DCST2: variants seen among roughly 807,000 people sequenced by gnomAD.
The protein encoded by DCST2 is DC-STAMP domain containing 2.
A neutral mutation model predicts 81.8 loss-of-function variants in DCST2; 64 were observed. That is an observed-to-expected ratio of 0.78 (90% CI 0.64 to 0.96). The LOEUF is 0.96. Among genes scored for constraint, DCST2 ranks in the 40% least tolerant of loss-of-function variants. The pLI, the probability that DCST2 is intolerant of heterozygous loss-of-function variation, is 0.00. For synonymous variants in DCST2, 354 were observed against 402.6 expected (o/e 0.88, Z 1.44); for missense variants, 945 against 1,001.4 (o/e 0.94, Z 0.76).
chr1:155,021,439 CT>C (rs112439021), intron 14 of DCST2, among the ~76,000 whole-genome samples: 33,557 of 151,834 alleles, frequency 0.22, 3,938 homozygotes, highest in Non-Finnish European at 0.26. Flanking sequence ...GCCCATCCCC[CT>C]ACTTGATTTC....
rs114756009 is a variant in DCST2 at position 155,033,775 on chromosome 1, G to C, written c.-74C>G. 1 of 1,558,520 alleles carries C rather than the reference G, an allele frequency of 6.4e-7. No homozygotes were observed. Among genetic ancestry groups the C allele is most frequent in the African/African-American group, 1.4e-5 (1 of 73,200 alleles). On this transcript the variant is annotated 5_prime_UTR_variant, in exon 1 of 15. Transcript: ENST00000368424. ...TTCTGTGCTCCTGGAATTTCTCACC[G>C]TATTCTAAGGTTCCAAAGGGCTTTC...
intron 11 of DCST2, 151 bp from the exon 12 acceptor site, chr1:155,024,110 CCCTGCCTTCCTT>C: frequency 8.5e-7 from 1 of 1,175,106 alleles, no homozygotes; most frequent in Non-Finnish European, 1.2e-6. Context: ...CTCTCCATGG[CCCTGCCTTCCTT>C]CCTCCCTTCA....
At position 155,030,153 on chromosome 1, in the gene DCST2, GCACA is replaced by G. The variant is rs1180004796; in HGVS notation, c.1104_1107del (p.Val369AlafsTer53). The G allele has an allele frequency of 6.2e-7, 1 of 1,614,164 alleles. No homozygotes were observed. The highest frequency in any genetic ancestry group is 1.3e-5 in the African/African-American group (1 of 75,050). ...ACTGTGGGCAGCCCTGCCGTGGAGC[GCACA>G]GCCTCCATGCGCAGGAATCGGCTAG... On this transcript the variant is annotated frameshift_variant, in exon 7 of 15. Coordinates refer to ENST00000368424, the MANE Select transcript of DCST2 (RefSeq NM_144622.3). LOFTEE classifies it high-confidence loss of function.
chr1:155,020,645 G>C (rs933011733), intron 14 of DCST2, among the ~76,000 whole-genome samples: 14 of 152,058 alleles, frequency 9.2e-5, no homozygotes, highest in Admixed American at 2.6e-4. Flanking sequence ...AGGATTACAG[G>C]CGTGAGCCAC....
At chr1:155,026,437 C>T (rs769109264) in intron 9 of DCST2, 35 bp from the exon 10 acceptor site, 1 of 1,613,340 alleles carries the variant, frequency 6.2e-7, no homozygotes, top group Admixed American at 1.7e-5. Context: ...GCCTCACCAG[C>T]AGGCACAAGT....
At chr1:155,018,833 C>T (rs1659657555) in intron 14 of DCST2, 73 bp from the exon 15 acceptor site, 6 of 1,438,902 alleles carry the variant, frequency 4.2e-6, no homozygotes, top group Non-Finnish European at 5.7e-6. Flanking sequence ...GCCCCCTGCC[C>T]TGCCCCATCT....
chr1:155,024,188 T>C (rs1216456007), intron 11 of DCST2, among the ~76,000 whole-genome samples: 2 of 152,122 alleles, frequency 1.3e-5, no homozygotes, highest in African/African-American at 4.8e-5. Context: ...TTAGGAGACA[T>C]ACCTAATGCT....
rs868046379 is a variant in DCST2, at chr1:155,023,173, TTGC to T, written c.2046_2048del (p.Gln684del). Reference sequence around the variant, plus strand: ...TCCTGCCGAGCACTTCTTGGAGCTGTTGCTGCAATAACCATGCCTGCTCAGGGT... The same window carrying T: ...TCCTGCCGAGCACTTCTTGGAGCTGTTGCAATAACCATGCCTGCTCAGGGT... On this transcript the variant is annotated inframe_deletion, in exon 14 of 15. Transcript: ENST00000368424. 3.7e-6 allele frequency: 6 copies of T among 1,614,004 alleles called. No homozygotes were observed. Among genetic ancestry groups the T allele is most frequent in the African/African-American group, 1.3e-5 (1 of 74,950 alleles).
intron 12 of DCST2, 130 bp downstream of exon 12, chr1:155,023,702 A>G (rs1325545249): frequency 1.9e-6 from 3 of 1,571,444 alleles, no homozygotes; most frequent in Non-Finnish European, 8.6e-7. Context: ...GAGAACGTGC[A>G]TAGTAATGAA....
At chr1:155,021,092 C>A (rs904419187) in intron 14 of DCST2, among the ~76,000 whole-genome samples, 9 of 152,002 alleles carry the variant, frequency 5.9e-5, no homozygotes, top group African/African-American at 1.9e-4. Context: ...CTCCACCTCC[C>A]AGGTTCAATC....
intron 7 of DCST2, among the ~76,000 whole-genome samples, 198 bp from the exon 8 acceptor site, chr1:155,029,595 G>A (rs1660009625): frequency 6.6e-6 from 1 of 152,176 alleles, no homozygotes; most frequent in Non-Finnish European, 1.5e-5. Flanking sequence ...TGGCTAGAAG[G>A]GAGGGGCCTG....
intron 8 of DCST2, 90 bp downstream of exon 8, chr1:155,029,143 G>A: frequency 6.8e-7 from 1 of 1,480,604 alleles, no homozygotes; most frequent in South Asian, 1.3e-5. Flanking sequence ...ATGGGAAGAG[G>A]AGAAGGCTTG....
rs751339482 is a variant in DCST2, at chr1:155,026,401, GC to G, written c.1511del (p.Gly504AlafsTer45). 2.8e-5 allele frequency: 45 copies of G among 1,613,528 alleles called. No individual in the cohort carries two copies. Among genetic ancestry groups the G allele is most frequent in the Non-Finnish European group, 1.4e-5 (17 of 1,180,020 alleles). The part of the protein sequence containing the change: ...EPDSTGYIVI[G>X]VMYGLCFFIT... Reference sequence around the variant, plus strand: ...TGAAGAAGCATAGGCCATACATGACGCCTGGGAGCACAGCAGCCACAGTCAG... The same window carrying G: ...TGAAGAAGCATAGGCCATACATGACGCTGGGAGCACAGCAGCCACAGTCAG... On this transcript the variant is annotated frameshift_variant and splice_region_variant, in exon 10 of 15. Transcript: ENST00000368424. LOFTEE classifies it high-confidence loss of function.
intron 7 of DCST2, among the ~76,000 whole-genome samples, 184 bp from the exon 8 acceptor site, chr1:155,029,581 T>G (rs946003117): frequency 1.3e-5 from 2 of 152,100 alleles, no homozygotes; most frequent in African/African-American, 4.8e-5. Flanking sequence ...GGGAGGGGGC[T>G]CCGTGGCTAG....
chr1:155,032,898 T>C, intron 2 of DCST2, 130 bp from the exon 3 acceptor site: 1 of 1,040,386 alleles, frequency 9.6e-7, no homozygotes, highest in South Asian at 1.5e-5. Flanking sequence ...TTCTGGGGCC[T>C]GGGAGATCGT....
chr1:155,033,301 C>A (rs1660159013), intron 1 of DCST2, 37 bp from the exon 2 acceptor site: 1 of 1,594,702 alleles, frequency 6.3e-7, no homozygotes, highest in Non-Finnish European at 8.5e-7. Flanking sequence ...AAGACCCCAG[C>A]CCCAAACATG....
chr1:155,028,785 A>C (rs1659984402), intron 8 of DCST2, among the ~76,000 whole-genome samples: 1 of 149,910 alleles, frequency 6.7e-6, no homozygotes, highest in Non-Finnish European at 1.5e-5. Context: ...AGGCAGGAGA[A>C]TCACTTAAAC....
In DCST2 at chr1:155,030,149, G is replaced by A. The variant is rs767806728; in HGVS notation, c.1112C>T (p.Ser371Phe). 1.2e-6 allele frequency: 2 copies of A among 1,614,186 alleles called. No homozygotes were observed. The highest frequency in any genetic ancestry group is 2.2e-5 in the East Asian group (1 of 44,878). ...TAGCACTGTGGGCAGCCCTGCCGTG[G>A]AGCGCACAGCCTCCATGCGCAGGAA... ...SRFLRMEAVR[S>F]TAGLPTVLPL... is the part of the protein sequence containing the mutation. Residue 371 changes from serine to phenylalanine, a missense_variant, in exon 7 of 15, where the codon TCC becomes TTC. Ser to Phe is a radical substitution (Grantham distance 155). Transcript: ENST00000368424.
chr1:155,031,375 C>T, intron 4 of DCST2, 141 bp from the exon 5 acceptor site: 2 of 1,053,156 alleles, frequency 1.9e-6, no homozygotes, highest in Non-Finnish European at 2.7e-6. Flanking sequence ...TAGCACCTCC[C>T]TGTCGCCCTT....
Sources: gnomAD v4.1 joint callset for allele counts (sites outside exome capture counted in the v4.1 genomes callset) on GRCh38, gnomAD v4.1.1 for gene constraint, MANE v1.5 for transcripts, NCBI Gene and HGNC (gene_info 2026-07-23, HGNC 2026-07-21) for gene names.